Variants in THSD7A observed in about 807,000 individuals in gnomAD.
THSD7A encodes thrombospondin type 1 domain containing 7A.
A neutral mutation model predicts 231.3 loss-of-function variants in THSD7A; 96 were observed. The ratio of observed to expected loss-of-function variants is 0.41; its 90% CI spans 0.35 to 0.49. The LOEUF (loss-of-function observed/expected upper bound fraction) is 0.49. Among genes scored for constraint, THSD7A ranks in the 20% least tolerant of loss-of-function variants. The probability of loss-of-function intolerance (pLI) is 0.05; values close to 1 mark genes in which losing one functional copy is unlikely to be tolerated. For missense variants in THSD7A, 2,290 were observed against 2,070.2 expected (o/e 1.11, Z -2.06); for synonymous variants, 940 against 743.3 (o/e 1.26, Z -4.30).
In THSD7A at chr7:11,704,657, G is replaced by C. The variant is rs576858204; in HGVS notation, c.191-67696C>G. On this transcript the variant is annotated intron_variant, in intron 1 of 27. Transcript: ENST00000423059. The stretch of plus-strand genomic sequence containing the variant: ...GATCTTATTCATCTTATTCACTAGA[G>C]TGAAGTTCGTAACCTGAGGCTAACC... Among the ~76,000 whole-genome samples, 7 of 151,118 alleles carry C rather than the reference G, an allele frequency of 4.6e-5. No homozygotes were observed. In the South Asian group the frequency reaches 1.5e-3, roughly 31 times the overall value.
intron 1 of THSD7A, among the ~76,000 whole-genome samples, chr7:11,800,464 G>A (rs1362108329): frequency 1.3e-5 from 2 of 152,056 alleles, no homozygotes; most frequent in African/African-American, 4.8e-5. Context: ...CAGGAGAATC[G>A]GTTGAACTCG....
In THSD7A at chr7:11,512,877, C is replaced by T. The variant is rs181668620; in HGVS notation, c.1822+28542G>A. On this transcript the variant is annotated intron_variant, in intron 6 of 27. Transcript: ENST00000423059. ...TACCAACATGGCACATGTATACATA[C>T]GTAACGAATCTGCACATTGTGCACA... Among the ~76,000 whole-genome samples, 64 of 146,022 alleles carry T rather than the reference C, an allele frequency of 4.4e-4. 1 individual carries two copies. In the East Asian group the frequency reaches 0.011, roughly 24 times the overall value.
chr7:11,763,767 T>A lies in THSD7A; in HGVS notation c.190+67990A>T, dbSNP rs916555883. On this transcript the variant is annotated intron_variant, in intron 1 of 27. Coordinates refer to ENST00000423059, the MANE Select transcript of THSD7A (RefSeq NM_015204.3). Reference sequence around the variant, plus strand: ...TACGGTTCCTGCCTTTCTAGGAAAATGATATTTAGATTCCTGCTCTAGCTT... The same window carrying A: ...TACGGTTCCTGCCTTTCTAGGAAAAAGATATTTAGATTCCTGCTCTAGCTT... Among the ~76,000 whole-genome samples, 4 of 152,148 alleles carry A rather than the reference T, an allele frequency of 2.6e-5. No homozygotes were observed. The South Asian group carries it at 8.3e-4, about 32-fold the overall frequency.
chr7:11,749,099 G>T (rs1782414249), intron 1 of THSD7A, among the ~76,000 whole-genome samples: 1 of 151,938 alleles, frequency 6.6e-6, no homozygotes, highest in Non-Finnish European at 1.5e-5. Context: ...GCGATTTGTG[G>T]TCCGGTCATG....
intron 1 of THSD7A, among the ~76,000 whole-genome samples, chr7:11,652,404 G>A (rs1782538528): frequency 6.6e-6 from 1 of 151,938 alleles, no homozygotes; most frequent in African/African-American, 2.4e-5. Context: ...ACAAGACACT[G>A]TAGACACTGT....
At position 11,831,056 on chromosome 7, in the gene THSD7A, C is replaced by G. The variant is rs1277365228; in HGVS notation, c.190+701G>C. Reference sequence around the variant, plus strand: ...CCTGTCACGGCCCCCGCCAGAAACTCCAAGCATTTTGCCAATGGGTAATGA... The same window carrying G: ...CCTGTCACGGCCCCCGCCAGAAACTGCAAGCATTTTGCCAATGGGTAATGA... On this transcript the variant is annotated intron_variant, in intron 1 of 27. Transcript: ENST00000423059. The surrounding 1 kb of genome is among the most constrained non-coding windows in gnomAD (Gnocchi z 5.0). 5.3e-5 allele frequency among the ~76,000 whole-genome samples: 8 copies of G among 152,142 alleles called. No individual in the cohort carries two copies. The highest frequency in any genetic ancestry group is 1.5e-5 in the Non-Finnish European group (1 of 68,040).
intron 6 of THSD7A, among the ~76,000 whole-genome samples, chr7:11,499,521 G>T (rs1038166993): frequency 6.6e-6 from 1 of 152,178 alleles, no homozygotes; most frequent in African/African-American, 2.4e-5. Flanking sequence ...TAGGAACAAA[G>T]ATACTGAGAT....
At chr7:11,813,958 G>C (rs1045925493) in intron 1 of THSD7A, among the ~76,000 whole-genome samples, 11 of 152,086 alleles carry the variant, frequency 7.2e-5, no homozygotes, top group Admixed American at 5.2e-4. Flanking sequence ...ATAAACAAAG[G>C]CAGTGTATTT....
rs557262329 is a variant in THSD7A at position 11,820,302 on chromosome 7, C to G, written c.190+11455G>C. On this transcript the variant is annotated intron_variant, in intron 1 of 27. Transcript: ENST00000423059. ...CCTCTCTCCCCTGGGCAAGGAATTCCGTAAAGAGTGGACCCTACTCGGTTG... is the reference window on the plus strand; with the variant it reads ...CCTCTCTCCCCTGGGCAAGGAATTCGGTAAAGAGTGGACCCTACTCGGTTG... 230 of 600,200 alleles carry G rather than the reference C, an allele frequency of 3.8e-4. 1 individual carries two copies. The East Asian group carries it at 7.8e-3, about 20-fold the overall frequency. The allele number at this position is 600,200 out of a possible 1,614,324, so 37.2% of individuals were successfully genotyped here.
At chr7:11,428,925 C>T in intron 14 of THSD7A, 22 bp downstream of exon 14, 1 of 1,590,528 alleles carries the variant, frequency 6.3e-7, no homozygotes, top group Non-Finnish European at 8.5e-7. Context: ...AATATCTTAA[C>T]ACTGTCAATG....
At chr7:11,459,574 A>T (rs186707027) in intron 11 of THSD7A, among the ~76,000 whole-genome samples, 144 of 152,056 alleles carry the variant, frequency 9.5e-4, no homozygotes, top group African/African-American at 3.4e-3. Flanking sequence ...AAATCCTAAA[A>T]ACTACTGCAA....
chr7:11,635,376 A>T (rs1175855415), intron 2 of THSD7A, among the ~76,000 whole-genome samples: 1 of 152,246 alleles, frequency 6.6e-6, no homozygotes, highest in South Asian at 2.1e-4. Flanking sequence ...GCAAAATTCA[A>T]AATACCCAGA....
intron 1 of THSD7A, among the ~76,000 whole-genome samples, chr7:11,678,930 A>C (rs991904857): frequency 6.6e-6 from 1 of 152,202 alleles, no homozygotes; most frequent in Non-Finnish European, 1.5e-5. Context: ...CCTAATGAAC[A>C]TCAGTGCAAA....
intron 4 of THSD7A, among the ~76,000 whole-genome samples, chr7:11,568,345 G>A (rs1790455126): frequency 6.6e-6 from 1 of 152,048 alleles, no homozygotes; most frequent in Non-Finnish European, 1.5e-5. Context: ...CACTTAAAAT[G>A]GAATGAGTTT....
intron 1 of THSD7A, among the ~76,000 whole-genome samples, chr7:11,755,521 C>T (rs962209915): frequency 6.6e-6 from 1 of 151,954 alleles, no homozygotes; most frequent in African/African-American, 2.4e-5. Context: ...GGCCTTCAGA[C>T]CCTGAGGCAG....
chr7:11,792,351 AG>A (rs1021907598), intron 1 of THSD7A, among the ~76,000 whole-genome samples: 3 of 151,960 alleles, frequency 2.0e-5, no homozygotes, highest in Non-Finnish European at 4.4e-5. Flanking sequence ...CCTGCTGAAA[AG>A]TCCTTGATGG....
intron 1 of THSD7A, among the ~76,000 whole-genome samples, chr7:11,685,296 C>G (rs1358752610): frequency 6.6e-6 from 1 of 151,704 alleles, no homozygotes; most frequent in Non-Finnish European, 1.5e-5. Flanking sequence ...AGGAAGTACT[C>G]TTCTGGAATT....
Position 11,379,864 on chromosome 7 carries a change from T to C in THSD7A, c.4508-152A>G, listed in dbSNP as rs1054682807. 3.8e-5 allele frequency: 30 copies of C among 797,890 alleles called. No individual in the cohort carries two copies. In the African/African-American group the frequency reaches 4.2e-4, roughly 11 times the overall value. The allele number at this position is 797,890 out of a possible 1,614,324, so 49.4% of individuals were successfully genotyped here. On this transcript the variant is annotated intron_variant, in intron 24 of 27. Transcript: ENST00000423059. ...TTGACTGTGAAATATTTGGTTAACCTTGACCACCTTATGTAGTGACTCCAG... is the reference window on the plus strand; with the variant it reads ...TTGACTGTGAAATATTTGGTTAACCCTGACCACCTTATGTAGTGACTCCAG...
At chr7:11,490,802 G>C (rs1014552349) in intron 6 of THSD7A, among the ~76,000 whole-genome samples, 2 of 151,966 alleles carry the variant, frequency 1.3e-5, no homozygotes, top group African/African-American at 4.8e-5. Context: ...TACCACTAAT[G>C]TGCCCTTGAG....
Sources: gnomAD v4.1 joint callset for allele counts (sites outside exome capture counted in the v4.1 genomes callset) on GRCh38, gnomAD v4.1.1 for gene constraint, Gnocchi (gnomAD v3.1) non-coding constraint, MANE v1.5 for transcripts, NCBI Gene and HGNC (gene_info 2026-07-23, HGNC 2026-07-21) for gene names.